CFAP70: variants seen among roughly 807,000 people sequenced by gnomAD.
CFAP70 encodes the protein cilia and flagella associated protein 70, also known as cilia- and flagella-associated protein 70.
A neutral mutation model predicts 137.6 loss-of-function variants in CFAP70; 81 were observed. The observed-to-expected ratio is 0.59, with a 90% CI of 0.49 to 0.71. The LOEUF is 0.71. Among genes scored for constraint, CFAP70 ranks in the 30% least tolerant of loss-of-function variants. The pLI, the probability that CFAP70 is intolerant of heterozygous loss-of-function variation, is 0.00. For synonymous variants in CFAP70, 382 were observed against 423.6 expected (o/e 0.90, Z 1.20); for missense variants, 976 against 1,226.7 (o/e 0.80, Z 3.05).
rs376528442 is a variant in CFAP70, at chr10:73,259,224, G to C, written c.3028-2808C>G. Among the ~76,000 whole-genome samples the C allele has an allele frequency of 1.5e-4, 23 of 152,090 alleles. No individual in the cohort carries two copies. The East Asian group carries it at 3.9e-3, about 26-fold the overall frequency. ...TATTTCTCAGACCTGCTGACACTTA[G>C]GGAAAATAGAAAAAAACCTACATTG... On this transcript the variant is annotated intron_variant, in intron 25 of 26. Transcript: ENST00000310715.
At chr10:73,345,578 G>T (rs1024210756) in intron 4 of CFAP70, among the ~76,000 whole-genome samples, 2 of 152,114 alleles carry the variant, frequency 1.3e-5, no homozygotes, top group African/African-American at 4.8e-5. Context: ...GCCAAGGCAG[G>T]TGGATCACCT....
chr10:73,318,550 T>C (rs1028498576), intron 9 of CFAP70, among the ~76,000 whole-genome samples: 1 of 152,210 alleles, frequency 6.6e-6, no homozygotes. Flanking sequence ...CCTAGTGCTT[T>C]ATATATTTCA....
intron 1 of CFAP70, among the ~76,000 whole-genome samples, chr10:73,357,254 T>A (rs565145455): frequency 3.9e-5 from 6 of 152,262 alleles, no homozygotes; most frequent in East Asian, 1.9e-4. Context: ...TTGAAAAAAA[T>A]TGAGCTTCAG....
chr10:73,288,585 C>A (rs574535922), intron 19 of CFAP70, among the ~76,000 whole-genome samples: 2 of 152,258 alleles, frequency 1.3e-5, no homozygotes, highest in Admixed American at 6.5e-5. Flanking sequence ...CTAGGAACTA[C>A]TTATTTCTTC....
At chr10:73,305,685 A>G (rs1456239872) in intron 12 of CFAP70, among the ~76,000 whole-genome samples, 4 of 152,254 alleles carry the variant, frequency 2.6e-5, no homozygotes, top group African/African-American at 9.6e-5. Context: ...ACCTTCAACA[A>G]TAAAAAGCAG....
At chr10:73,264,234 C>G (rs1314164359) in intron 25 of CFAP70, among the ~76,000 whole-genome samples, 1 of 152,190 alleles carries the variant, frequency 6.6e-6, no homozygotes, top group African/African-American at 2.4e-5. Flanking sequence ...CTGGTCCCCC[C>G]ACAAACCCTT....
chr10:73,303,485 T>C (rs1050806781), intron 12 of CFAP70, among the ~76,000 whole-genome samples: 2 of 152,220 alleles, frequency 1.3e-5, no homozygotes, highest in Non-Finnish European at 2.9e-5. Context: ...CCCAAAGTGC[T>C]GGGATTACAG....
intron 5 of CFAP70, among the ~76,000 whole-genome samples, chr10:73,344,583 AATAAG>A (rs2053549416): frequency 6.6e-6 from 1 of 152,202 alleles, no homozygotes; most frequent in Admixed American, 6.5e-5. Context: ...TGGCCCTGGA[AATAAG>A]ATAAGTGGAA....
At chr10:73,267,457 T>C (rs2045879094) in intron 25 of CFAP70, among the ~76,000 whole-genome samples, 1 of 152,180 alleles carries the variant, frequency 6.6e-6, no homozygotes, top group Admixed American at 6.5e-5. Context: ...ACTTGCACCA[T>C]ATTCTACTGG....
At chr10:73,278,375 T>C in intron 19 of CFAP70, 38 bp from the exon 21 acceptor site, 1 of 1,557,438 alleles carries the variant, frequency 6.4e-7, no homozygotes, top group Non-Finnish European at 8.8e-7. Context: ...TAAAACTTCT[T>C]ACATTGGGTG....
intron 7 of CFAP70, 90 bp from the exon 9 acceptor site, chr10:73,331,366 T>C (rs2052060262): frequency 3.8e-6 from 4 of 1,060,254 alleles, no homozygotes; most frequent in Non-Finnish European, 5.5e-6. Flanking sequence ...TTTTAGAAAG[T>C]AATATAGAAT....
At chr10:73,265,320 CAAAA>C (rs796977521) in intron 25 of CFAP70, among the ~76,000 whole-genome samples, 1 of 85,904 alleles carries the variant, frequency 1.2e-5, no homozygotes, top group Non-Finnish European at 2.5e-5. Context: ...GACTCCATCT[CAAAA>C]AAAAAAAAAA....
At chr10:73,311,355 T>C (rs1182163057) in intron 11 of CFAP70, among the ~76,000 whole-genome samples, 1 of 152,204 alleles carries the variant, frequency 6.6e-6, no homozygotes, top group Non-Finnish European at 1.5e-5. Flanking sequence ...CACTACTTAG[T>C]ATGGATATCA....
intron 9 of CFAP70, among the ~76,000 whole-genome samples, chr10:73,319,551 C>A (rs2050681513): frequency 6.6e-6 from 1 of 152,164 alleles, no homozygotes; most frequent in Admixed American, 6.6e-5. Context: ...TTGCCTGTAG[C>A]TTCTGCTTTC....
exon 9 of CFAP70, chr10:73,322,994 T>C (rs771232913): frequency 1.2e-6 from 2 of 1,613,532 alleles, no homozygotes; most frequent in Admixed American, 3.3e-5. Context: ...TAGGTAAGGG[T>C]AAACATGAAA....
At chr10:73,287,131 C>T (rs565436606) in intron 19 of CFAP70, among the ~76,000 whole-genome samples, 19 of 152,130 alleles carry the variant, frequency 1.2e-4, no homozygotes, top group Admixed American at 1.2e-3. Context: ...GATTTGGGGG[C>T]CTGTTCCCAA....
Position 73,312,756 on chromosome 10 carries a change from C to G in CFAP70, c.913-113G>C, listed in dbSNP as rs534861761. On this transcript the variant is annotated intron_variant, in intron 9 of 26. Transcript: ENST00000310715. ...TCCAAACAATTTCGACATTTAATAT[C>G]AGAGAGAGAGAAGGGACTTGAAAGA... 4.3e-6 allele frequency: 4 copies of G among 935,464 alleles called. No individual in the cohort carries two copies. In the African/African-American group the frequency reaches 5.0e-5, roughly 12 times the overall value. The allele number at this position is 935,464 out of a possible 1,614,324, so 57.9% of individuals were successfully genotyped here.
chr10:73,331,925 T>C (rs1452854526), intron 7 of CFAP70, among the ~76,000 whole-genome samples: 1 of 152,232 alleles, frequency 6.6e-6, no homozygotes, highest in Non-Finnish European at 1.5e-5. Flanking sequence ...GTTATTTCTA[T>C]TGTGAAAATA....
chr10:73,360,623 A>G (rs1341813720), upstream of CFAP70, among the ~76,000 whole-genome samples: 3 of 152,380 alleles, frequency 2.0e-5, no homozygotes, highest in Admixed American at 1.3e-4. Flanking sequence ...AAGAAACATT[A>G]TAAATATTGA....
Sources: allele counts gnomAD v4.1 joint callset (sites outside exome capture counted in the v4.1 genomes callset), GRCh38; gene constraint gnomAD v4.1.1; transcripts MANE v1.5; gene names NCBI Gene and HGNC (gene_info 2026-07-23, HGNC 2026-07-21).